TMEM87B: variants seen among roughly 807,000 people sequenced by gnomAD.
TMEM87B encodes the protein transmembrane protein 87B.
A neutral mutation model predicts 80.3 loss-of-function variants in TMEM87B; 83 were observed. That is an observed-to-expected ratio of 1.03 (90% CI 0.87 to 1.24). TMEM87B has a LOEUF of 1.24. TMEM87B is among the 50% of genes most tolerant of loss of function. The pLI is 0.00. For synonymous variants in TMEM87B, 219 were observed against 230.5 expected (o/e 0.95, Z 0.45); for missense variants, 625 against 674.4 (o/e 0.93, Z 0.81).
rs972417138 is a variant in TMEM87B at position 112,060,733 on chromosome 2, C to T, written c.226+696C>T. On this transcript the variant is annotated intron_variant, in intron 2 of 18. Transcript: ENST00000283206. The stretch of plus-strand genomic sequence containing the variant: ...TGTATTTTTAGTAAAGATGGGGTTT[C>T]ACCATGTTGGCCAGGCTGGCCTCCA... Among the ~76,000 whole-genome samples, 20 of 152,108 alleles carry T rather than the reference C, an allele frequency of 1.3e-4. 1 individual carries two copies. The East Asian group carries it at 3.9e-3, about 30-fold the overall frequency.
chr2:112,108,968 A>G (rs1452123805), intron 17 of TMEM87B, among the ~76,000 whole-genome samples: 6 of 152,190 alleles, frequency 3.9e-5, no homozygotes, highest in Non-Finnish European at 8.8e-5. Context: ...CTTTTTGTTA[A>G]CACTTATTAT....
intron 11 of TMEM87B, among the ~76,000 whole-genome samples, chr2:112,092,518 A>G (rs1026365450): frequency 2.0e-5 from 3 of 152,180 alleles, no homozygotes; most frequent in African/African-American, 7.2e-5. Context: ...ACAGAAGAAG[A>G]TGACGTGGGA....
intron 4 of TMEM87B, among the ~76,000 whole-genome samples, chr2:112,073,874 G>C (rs1678732452): frequency 1.3e-5 from 2 of 152,074 alleles, no homozygotes; most frequent in South Asian, 4.1e-4. Context: ...TTTGATTTTT[G>C]TTGGTTTAAA....
intron 15 of TMEM87B, among the ~76,000 whole-genome samples, chr2:112,103,052 A>C (rs922443421): frequency 6.6e-6 from 1 of 152,228 alleles, no homozygotes; most frequent in Non-Finnish European, 1.5e-5. Flanking sequence ...TTATGTATGG[A>C]AAAATCCCAA....
chr2:112,091,678 C>G (rs748081538), intron 10 of TMEM87B, 34 bp from the exon 11 acceptor site: 158 of 1,439,578 alleles, frequency 1.1e-4, no homozygotes, highest in Non-Finnish European at 1.4e-4. Context: ...GAAAGTGTTA[C>G]ATTCAGGTTT....
intron 5 of TMEM87B, among the ~76,000 whole-genome samples, chr2:112,076,889 T>A (rs1263792229): frequency 3.1e-5 from 3 of 97,544 alleles, no homozygotes; most frequent in Non-Finnish European, 4.4e-5. Context: ...TGTGTGTGTG[T>A]CTGTGTGTGT....
In TMEM87B at chr2:112,067,031, T is replaced by C. The variant is rs1310728064; in HGVS notation, c.414T>C (p.Asp138=). ...GGACAACAAAAAATGAAAACTTAGATTGCAACAGTGATTCACAGGTGTTTC... is the reference window on the plus strand; with the variant it reads ...GGACAACAAAAAATGAAAACTTAGACTGCAACAGTGATTCACAGGTGTTTC... ...NCWTTKNENL[D]CNSDSQVFPS... Residue 138 remains aspartate, a synonymous_variant, in exon 4 of 19, where the codon GAT becomes GAC. Transcript: ENST00000283206. The C allele has an allele frequency of 6.2e-7, 1 of 1,611,580 alleles. No homozygotes were observed.
chr2:112,076,123 G>T lies in TMEM87B; in HGVS notation c.502-1069G>T, dbSNP rs577311652. On this transcript the variant is annotated intron_variant, in intron 5 of 18. Transcript: ENST00000283206. ...ACACATTAGGCCGGGTGTGGTGGCA[G>T]GTGCCTGGAATTCCAGCTACTCGGA... Among the ~76,000 whole-genome samples the T allele has an allele frequency of 2.1e-3, 317 of 152,148 alleles. 2 individuals are homozygous for T. The highest frequency in any genetic ancestry group is 7.3e-3 in the African/African-American group (301 of 41,516).
chr2:112,099,897 A>C (rs1679582790), intron 14 of TMEM87B, among the ~76,000 whole-genome samples: 1 of 151,316 alleles, frequency 6.6e-6, no homozygotes, highest in Non-Finnish European at 1.5e-5. Flanking sequence ...AAAAAAAAAA[A>C]AAACCACAAA....
At chr2:112,113,476 G>C (rs961052738) in intron 18 of TMEM87B, among the ~76,000 whole-genome samples, 1 of 152,194 alleles carries the variant, frequency 6.6e-6, no homozygotes, top group Non-Finnish European at 1.5e-5. Context: ...AACTTGTATG[G>C]TGGCTGTAGC....
intron 6 of TMEM87B, among the ~76,000 whole-genome samples, chr2:112,079,205 A>C (rs1678914291): frequency 6.6e-6 from 1 of 152,200 alleles, no homozygotes; most frequent in South Asian, 2.1e-4. Flanking sequence ...ATAGAACTCA[A>C]AAAAAGAAAA....
At chr2:112,084,574 T>C (rs185705258) in intron 8 of TMEM87B, among the ~76,000 whole-genome samples, 1 of 152,378 alleles carries the variant, frequency 6.6e-6, no homozygotes, top group African/African-American at 2.4e-5. Flanking sequence ...GGCTTCTTGC[T>C]CTGCCTGTAG....
chr2:112,107,374 AAAG>A (rs1408450147), intron 16 of TMEM87B, among the ~76,000 whole-genome samples: 1 of 151,846 alleles, frequency 6.6e-6, no homozygotes, highest in African/African-American at 2.4e-5. Context: ...AAAAAAAAAA[AAAG>A]AATGTTTGTA....
chr2:112,106,495 A>G (rs1004488967), intron 16 of TMEM87B, among the ~76,000 whole-genome samples: 5 of 152,130 alleles, frequency 3.3e-5, no homozygotes, highest in Non-Finnish European at 7.4e-5. Context: ...TTTTGAAGCC[A>G]TTTTAAAATA....
In TMEM87B at chr2:112,090,277, G is replaced by A. The variant is rs182493398; in HGVS notation, c.1032+559G>A. ...GTGGGCAGCAGCACTTTATTCTCTA[G>A]AGAAGTATCAGTATTTATGTCTGCA... On this transcript the variant is annotated intron_variant, in intron 10 of 18. Transcript: ENST00000283206. Among the ~76,000 whole-genome samples the A allele has an allele frequency of 7.8e-4, 119 of 152,300 alleles. 1 individual carries two copies. Among genetic ancestry groups the A allele is most frequent in the African/African-American group, 2.8e-3 (116 of 41,570 alleles).
chr2:112,068,800 T>C (rs1489462247), intron 4 of TMEM87B, among the ~76,000 whole-genome samples: 1 of 152,204 alleles, frequency 6.6e-6, no homozygotes, highest in Non-Finnish European at 1.5e-5. Flanking sequence ...TCCTAACACT[T>C]TCCCTGCCAA....
intron 6 of TMEM87B, among the ~76,000 whole-genome samples, chr2:112,080,157 G>A (rs1172609706): frequency 2.0e-5 from 3 of 151,846 alleles, no homozygotes; most frequent in Non-Finnish European, 4.4e-5. Context: ...TCGATCCCCT[G>A]ACCTTAAGTG....
At chr2:112,094,380 C>G (rs573661505) in intron 11 of TMEM87B, among the ~76,000 whole-genome samples, 1 of 152,220 alleles carries the variant, frequency 6.6e-6, no homozygotes, top group East Asian at 1.9e-4. Flanking sequence ...CCAGGACGGT[C>G]TTGATCTCTT....
rs1469591485 is a variant in TMEM87B at position 112,055,425 on chromosome 2, C to A, written c.-167C>A. ...TGCCTCCCGGTCCTGGCCGGGTTTC[C>A]CAGAACTGCACGGCGCCTCTCCGCC... On this transcript the variant is annotated 5_prime_UTR_variant, in exon 1 of 19. Transcript: ENST00000283206. The A allele has an allele frequency of 1.3e-6, 1 of 789,002 alleles. No homozygotes were observed. The highest frequency in any genetic ancestry group is 4.0e-5 in the Admixed American group (1 of 25,206). The allele number at this position is 789,002 out of a possible 1,614,324, so 48.9% of individuals were successfully genotyped here. A position where few individuals can be genotyped will look rare whatever the true frequency, so the allele number is the denominator to read the frequency against.
Sources: allele counts gnomAD v4.1 joint callset (sites outside exome capture counted in the v4.1 genomes callset), GRCh38; gene constraint gnomAD v4.1.1; transcripts MANE v1.5; gene names NCBI Gene and HGNC (gene_info 2026-07-23, HGNC 2026-07-21).